The following IKBKB-DT variants were observed in gnomAD, a reference collection of about 807,000 sequenced individuals.
IKBKB-DT encodes IKBKB antisense RNA.
chr8:42,269,577 G>A (rs1249151066), intron 1 of IKBKB-DT, among the ~76,000 whole-genome samples: 3 of 139,518 alleles, frequency 2.2e-5, no homozygotes, highest in Non-Finnish European at 4.7e-5. Context: ...GGAAGGGAAG[G>A]GGAGGGGAGT....
rs747695800 is a variant in IKBKB-DT, at chr8:42,246,832, G to T, written n.1530-12973C>A. ...GTTTCGTGGGAGACAATTTTTCCAC[G>T]GACCTGGGGTTGGGGTGGGAGTGAG... is the stretch of plus-strand genomic sequence containing the variant. On this transcript the variant is annotated intron_variant and non_coding_transcript_variant, in intron 3 of 3. Coordinates refer to ENST00000518213, the Ensembl canonical transcript of IKBKB-DT. 2.6e-4 allele frequency among the ~76,000 whole-genome samples: 40 copies of T among 152,136 alleles called. 1 individual carries two copies. The highest frequency in any genetic ancestry group is 5.9e-4 in the Non-Finnish European group (40 of 68,020).
intron 3 of IKBKB-DT, among the ~76,000 whole-genome samples, chr8:42,242,822 TACCC>T (rs1240570057): frequency 6.6e-6 from 1 of 152,134 alleles, no homozygotes; most frequent in Non-Finnish European, 1.5e-5. Context: ...GCTCTGGCCA[TACCC>T]AGTGCGATTT....
exon 1 of IKBKB-DT, chr8:42,271,089 T>G (rs767809695): frequency 1.5e-4 from 61 of 402,842 alleles, no homozygotes; most frequent in Non-Finnish European, 2.4e-4. Context: ...GAGAACAGGG[T>G]GTAACGGGGG....
chr8:42,251,299 A>G (rs1585463875), intron 3 of IKBKB-DT, among the ~76,000 whole-genome samples: 1 of 152,246 alleles, frequency 6.6e-6, no homozygotes, highest in African/African-American at 2.4e-5. Flanking sequence ...GGTCGTCTCT[A>G]CTGCTGTATC....
At chr8:42,266,679 T>C (rs974517377) in intron 1 of IKBKB-DT, among the ~76,000 whole-genome samples, 7 of 152,112 alleles carry the variant, frequency 4.6e-5, no homozygotes, top group Admixed American at 4.6e-4. Flanking sequence ...GCACAAGATA[T>C]AGGTCATAAA....
chr8:42,256,727 T>C (rs1290459821), intron 3 of IKBKB-DT, among the ~76,000 whole-genome samples: 1 of 152,168 alleles, frequency 6.6e-6, no homozygotes, highest in Non-Finnish European at 1.5e-5. Flanking sequence ...CGGTATGATC[T>C]TAAAGTCATC....
intron 3 of IKBKB-DT, among the ~76,000 whole-genome samples, chr8:42,256,755 C>T (rs1249869014): frequency 6.6e-6 from 1 of 152,146 alleles, no homozygotes; most frequent in East Asian, 1.9e-4. Flanking sequence ...TGTACTTGTC[C>T]GTTTTCTCCA....
intron 3 of IKBKB-DT, among the ~76,000 whole-genome samples, chr8:42,242,739 TGA>T: frequency 6.6e-6 from 1 of 152,216 alleles, no homozygotes; most frequent in East Asian, 1.9e-4. Flanking sequence ...TCATGCATGC[TGA>T]GAAGTCACTG....
intron 1 of IKBKB-DT, among the ~76,000 whole-genome samples, chr8:42,268,425 G>A (rs142048112): frequency 0.012 from 1,804 of 151,394 alleles, 48 homozygotes; most frequent in African/African-American, 0.042. Flanking sequence ...GTAAGCCACT[G>A]TGCCTGGCCT....
At chr8:42,254,389 T>C (rs1807167248) in intron 3 of IKBKB-DT, among the ~76,000 whole-genome samples, 1 of 152,174 alleles carries the variant, frequency 6.6e-6, no homozygotes, top group South Asian at 2.1e-4. Context: ...CACTGCCCCA[T>C]CTGGGAAGTG....
At chr8:42,260,962 C>G (rs1807279033) in intron 3 of IKBKB-DT, among the ~76,000 whole-genome samples, 1 of 152,048 alleles carries the variant, frequency 6.6e-6, no homozygotes, top group African/African-American at 2.4e-5. Context: ...CCATAGACAG[C>G]CAAGGGAAGA....
At chr8:42,257,841 C>G (rs1029132942) in intron 3 of IKBKB-DT, among the ~76,000 whole-genome samples, 1 of 151,592 alleles carries the variant, frequency 6.6e-6, no homozygotes, top group Non-Finnish European at 1.5e-5. Flanking sequence ...TAAACAGGAT[C>G]ACAGATCACT....
chr8:42,244,790 G>T, intron 3 of IKBKB-DT, among the ~76,000 whole-genome samples: 1 of 152,200 alleles, frequency 6.6e-6, no homozygotes, highest in South Asian at 2.1e-4. Flanking sequence ...ACACAAAAGT[G>T]CTATTTCCTA....
At chr8:42,240,294 T>G (rs536363312) in intron 3 of IKBKB-DT, among the ~76,000 whole-genome samples, 3 of 151,918 alleles carry the variant, frequency 2.0e-5, no homozygotes, top group Non-Finnish European at 4.4e-5. Context: ...TTAGAAGTGT[T>G]AATTCTAAGC....
At chr8:42,240,784 G>A (rs1175227052) in intron 3 of IKBKB-DT, among the ~76,000 whole-genome samples, 1 of 151,960 alleles carries the variant, frequency 6.6e-6, no homozygotes, top group African/African-American at 2.4e-5. Flanking sequence ...AGGTCAGCCT[G>A]GCCAATATGG....
intron 1 of IKBKB-DT, among the ~76,000 whole-genome samples, chr8:42,268,405 C>A (rs182877809): frequency 6.6e-6 from 1 of 151,058 alleles, no homozygotes; most frequent in African/African-American, 2.4e-5. Context: ...AAAGTGCTGG[C>A]ATTACAGGTG....
chr8:42,253,658 C>A (rs931020815), intron 3 of IKBKB-DT, among the ~76,000 whole-genome samples: 5 of 152,182 alleles, frequency 3.3e-5, no homozygotes, highest in Non-Finnish European at 7.3e-5. Context: ...TGCTTGTTCC[C>A]TGGTGCTGTA....
At chr8:42,266,371 G>A (rs879672230) in exon 2 of IKBKB-DT, 2 of 152,190 alleles carry the variant, frequency 1.3e-5, no homozygotes, top group Non-Finnish European at 2.9e-5. Flanking sequence ...TCTTTACTTG[G>A]AGGAGCTCAG....
At chr8:42,251,603 T>C (rs894391146) in intron 3 of IKBKB-DT, among the ~76,000 whole-genome samples, 20 of 152,158 alleles carry the variant, frequency 1.3e-4, no homozygotes, top group Non-Finnish European at 2.6e-4. Context: ...TTCCTAACAC[T>C]TATGATTTAT....
Sources: allele counts gnomAD v4.1 joint callset (sites outside exome capture counted in the v4.1 genomes callset), GRCh38; gene constraint gnomAD v4.1.1; transcripts MANE v1.5; gene names NCBI Gene and HGNC (gene_info 2026-07-23, HGNC 2026-07-21).